The following KAZN variants were observed in gnomAD, a reference collection of about 807,000 sequenced individuals.
The protein encoded by KAZN is kazrin, periplakin interacting protein, also known as kazrin.
KAZN carries 40 observed loss-of-function variants against 87.4 expected under a neutral mutation model. The observed-to-expected ratio is 0.46, with a 90% CI of 0.36 to 0.60. KAZN has a LOEUF of 0.60. KAZN is among the 20% of genes least tolerant of loss of function. The probability of loss-of-function intolerance (pLI) is 0.00; values close to 1 mark genes in which losing one functional copy is unlikely to be tolerated. For synonymous variants in KAZN, 466 were observed against 458.3 expected (o/e 1.02, Z -0.22); for missense variants, 898 against 1,073.9 (o/e 0.84, Z 2.29).
rs1662240386 is a variant in KAZN at position 14,949,595 on chromosome 1, G to T, written c.227-11089G>T. ...TCCTGGTGCCAGAAGCACCTGCCAA[G>T]TGATTTTTGTAGCCTCTGCCATGAA... On this transcript the variant is annotated intron_variant, in intron 1 of 14. Transcript: ENST00000376030. This position sits in a 1 kb window ranked among gnomAD's most constrained non-coding sequence, Gnocchi z 4.3. 6.6e-6 allele frequency among the ~76,000 whole-genome samples: 1 copy of T among 152,216 alleles called. No individual in the cohort carries two copies.
At position 14,686,683 on chromosome 1, in the gene KAZN, G is replaced by T. The variant is rs181310981; in HGVS notation, c.226+87460G>T. Among the ~76,000 whole-genome samples the T allele has an allele frequency of 8.6e-4, 131 of 152,314 alleles. 1 individual carries two copies. The East Asian group carries it at 0.024, about 28-fold the overall frequency. ...CTTTGCCTAATATCGGGTGTAGCGGGAAGCCCAGAGGAGAAGGGCCTGGCA... is the reference window on the plus strand; with the variant it reads ...CTTTGCCTAATATCGGGTGTAGCGGTAAGCCCAGAGGAGAAGGGCCTGGCA... On this transcript the variant is annotated intron_variant, in intron 1 of 14. Coordinates refer to ENST00000376030, the MANE Select transcript of KAZN (RefSeq NM_201628.3).
intron 2 of KAZN, among the ~76,000 whole-genome samples, chr1:14,358,355 C>A (rs569258826): frequency 3.0e-5 from 4 of 135,092 alleles, no homozygotes; most frequent in African/African-American, 5.1e-5. Context: ...TTTTGTAAAT[C>A]TTTTAAAAAA....
At chr1:14,485,524 C>T (rs1313382310) in intron 2 of KAZN, among the ~76,000 whole-genome samples, 1 of 152,146 alleles carries the variant, frequency 6.6e-6, no homozygotes, top group Non-Finnish European at 1.5e-5. Context: ...AACTTGCCAC[C>T]TCTTTCCATG....
At chr1:14,612,733 A>T (rs955920537) in intron 1 of KAZN, among the ~76,000 whole-genome samples, 7 of 152,198 alleles carry the variant, frequency 4.6e-5, no homozygotes, top group African/African-American at 7.2e-5. Flanking sequence ...AGCAGCATCT[A>T]TGCCAATAGC....
At chr1:14,892,873 A>G (rs1225291628) in intron 1 of KAZN, among the ~76,000 whole-genome samples, 1 of 152,162 alleles carries the variant, frequency 6.6e-6, no homozygotes, top group South Asian at 2.1e-4. Context: ...AGAAAGGAAA[A>G]AAGGAATGGA....
At chr1:13,993,556 C>T (rs988762) in intron 1 of KAZN, among the ~76,000 whole-genome samples, 137,869 of 152,270 alleles carry the variant, frequency 0.91, 62,725 homozygotes, top group African/African-American at 0.96. Flanking sequence ...ATTTGTTGAA[C>T]TGATATGTAT....
intron 8 of KAZN, among the ~76,000 whole-genome samples, chr1:15,068,837 G>A (rs1013922163): frequency 6.6e-6 from 1 of 152,072 alleles, no homozygotes; most frequent in East Asian, 1.9e-4. Flanking sequence ...CTGATGGAGG[G>A]CTGGCTTTTA....
chr1:15,001,080 G>A (rs1290361947), intron 2 of KAZN, among the ~76,000 whole-genome samples: 1 of 152,114 alleles, frequency 6.6e-6, no homozygotes, highest in African/African-American at 2.4e-5. Flanking sequence ...TCCAGCCTGG[G>A]TGACAGATGG....
intron 1 of KAZN, among the ~76,000 whole-genome samples, chr1:14,707,556 T>A (rs1019347741): frequency 1.6e-4 from 25 of 152,310 alleles, no homozygotes; most frequent in Non-Finnish European, 2.5e-4. Flanking sequence ...TTTATTTCCT[T>A]TCATTTCCCA....
At chr1:14,970,925 C>T (rs1359427014) in intron 2 of KAZN, among the ~76,000 whole-genome samples, 3 of 152,182 alleles carry the variant, frequency 2.0e-5, no homozygotes, top group African/African-American at 7.2e-5. Flanking sequence ...TGTGAACACA[C>T]ACTGCATCAC....
At position 15,066,545 on chromosome 1, in the gene KAZN, C is replaced by T. The variant is rs975902797; in HGVS notation, c.1222+792C>T. 8.1e-6 allele frequency: 8 copies of T among 984,880 alleles called. No homozygotes were observed. The highest frequency in any genetic ancestry group is 9.4e-5 in the South Asian group (2 of 21,264). The allele number at this position is 984,880 out of a possible 1,614,324, so 61.0% of individuals were successfully genotyped here. On this transcript the variant is annotated intron_variant, in intron 8 of 14. Coordinates refer to ENST00000376030, the MANE Select transcript of KAZN (RefSeq NM_201628.3). This position sits in a 1 kb window ranked among gnomAD's most constrained non-coding sequence, Gnocchi z 4.3. ...CCTACCAGTTTTTAAATTGCATTGCCGTTTCTTTCTTTATGAAAAAAAAGA... is the reference window on the plus strand; with the variant it reads ...CCTACCAGTTTTTAAATTGCATTGCTGTTTCTTTCTTTATGAAAAAAAAGA...
upstream of KAZN, among the ~76,000 whole-genome samples, chr1:14,595,080 G>A (rs939633446): frequency 2.0e-5 from 3 of 151,974 alleles, no homozygotes; most frequent in Non-Finnish European, 2.9e-5. Flanking sequence ...GGAGGCAGAG[G>A]TTGCAGTGAG....
chr1:14,553,974 C>T (rs757649654), intron 2 of KAZN, among the ~76,000 whole-genome samples: 1 of 152,142 alleles, frequency 6.6e-6, no homozygotes, highest in East Asian at 1.9e-4. Flanking sequence ...CAGCTCCTTG[C>T]GTAAGTGCTG....
intron 1 of KAZN, among the ~76,000 whole-genome samples, chr1:13,933,449 G>A (rs1570319146): frequency 6.6e-6 from 1 of 152,094 alleles, no homozygotes; most frequent in African/African-American, 2.4e-5. Flanking sequence ...CCGAGATCAC[G>A]CCATTGCACT....
In KAZN at chr1:14,273,645, C is replaced by T. The variant is rs551147591; in HGVS notation, c.249+93053C>T. 9.9e-5 allele frequency among the ~76,000 whole-genome samples: 15 copies of T among 152,272 alleles called. No homozygotes were observed. The East Asian group carries it at 2.5e-3, about 25-fold the overall frequency. ...AGGCAAAAATAATATCCTGTGTTCC[C>T]CACCTCAAAAAGCAGCCACAAAAGA... On this transcript the variant is annotated intron_variant, in intron 2 of 16. Transcript: ENST00000636203.
intron 1 of KAZN, among the ~76,000 whole-genome samples, chr1:13,903,154 C>T (rs1639309294): frequency 6.6e-6 from 1 of 152,198 alleles, no homozygotes; most frequent in South Asian, 2.1e-4. Flanking sequence ...AAATTATATA[C>T]TAATGATGTA....
chr1:14,520,456 G>T (rs974277261), intron 2 of KAZN, among the ~76,000 whole-genome samples: 1 of 152,132 alleles, frequency 6.6e-6, no homozygotes, highest in African/African-American at 2.4e-5. Flanking sequence ...TGCATGCCAG[G>T]CACCTAGAAA....
At chr1:14,265,504 C>G (rs1395690889) in intron 2 of KAZN, among the ~76,000 whole-genome samples, 2 of 152,198 alleles carry the variant, frequency 1.3e-5, no homozygotes, top group Non-Finnish European at 2.9e-5. Flanking sequence ...TAGCCTTGAG[C>G]AGGGACTTTA....
chr1:14,802,067 C>T (rs922704984), intron 1 of KAZN, among the ~76,000 whole-genome samples: 1 of 151,986 alleles, frequency 6.6e-6, no homozygotes, highest in Non-Finnish European at 1.5e-5. Context: ...AGAATGATCT[C>T]GTCCAGAAAG....
Sources: allele counts gnomAD v4.1 joint callset (sites outside exome capture counted in the v4.1 genomes callset), GRCh38; gene constraint gnomAD v4.1.1; non-coding constraint Gnocchi (gnomAD v3.1); transcripts MANE v1.5; gene names NCBI Gene and HGNC (gene_info 2026-07-23, HGNC 2026-07-21).